KCNJ6: variants seen among roughly 807,000 people sequenced by gnomAD.
KCNJ6 encodes G protein-activated inward rectifier potassium channel 2.
KCNJ6 carries 9 observed loss-of-function variants against 34.2 expected under a neutral mutation model. That is an observed-to-expected ratio of 0.26 (90% CI 0.16 to 0.46). The LOEUF is 0.46. KCNJ6 is among the 20% of genes least tolerant of loss of function. KCNJ6 has a pLI of 1.00. For synonymous variants in KCNJ6, 196 were observed against 207.1 expected (o/e 0.95, Z 0.46); for missense variants, 236 against 531.3 (o/e 0.44, Z 5.46).
intron 3 of KCNJ6, among the ~76,000 whole-genome samples, chr21:37,626,018 C>T (rs891835308): frequency 2.0e-5 from 3 of 152,214 alleles, no homozygotes; most frequent in African/African-American, 7.2e-5. Context: ...ATGACTGTGG[C>T]TCCAGATGCA....
At chr21:37,633,168 T>C (rs1355541555) in intron 3 of KCNJ6, among the ~76,000 whole-genome samples, 1 of 152,166 alleles carries the variant, frequency 6.6e-6, no homozygotes, top group Non-Finnish European at 1.5e-5. Context: ...TTCCAAGGAA[T>C]GCAAGGGTGG....
chr21:37,670,263 C>T (rs1448487198), intron 3 of KCNJ6, among the ~76,000 whole-genome samples: 1 of 152,086 alleles, frequency 6.6e-6, no homozygotes, highest in Non-Finnish European at 1.5e-5. Flanking sequence ...GCTTTAATTA[C>T]TATAGTTTTA....
rs1438464778 is a variant in KCNJ6 at position 37,801,857 on chromosome 21, C to A, written c.25+38801G>T. ...CATTTTATTTGGTATTTCTCAAAGC[C>A]CCTTAACATCAACTATCTCAACATT... is the stretch of plus-strand genomic sequence containing the variant. On this transcript the variant is annotated intron_variant, in intron 2 of 3. Coordinates refer to ENST00000609713, the MANE Select transcript of KCNJ6 (RefSeq NM_002240.5). Among the ~76,000 whole-genome samples the A allele has an allele frequency of 3.9e-5, 6 of 152,084 alleles. No homozygotes were observed. In the East Asian group the frequency reaches 1.2e-3, roughly 29 times the overall value.
chr21:37,648,260 AGAGCTGTGGGCCGTG>A (rs1172509245), intron 3 of KCNJ6, among the ~76,000 whole-genome samples: 2 of 152,214 alleles, frequency 1.3e-5, no homozygotes, highest in African/African-American at 4.8e-5. Flanking sequence ...CTCTGTCTAC[AGAGCTGTGGGCCGTG>A]GAGGGGAGGA....
intron 3 of KCNJ6, among the ~76,000 whole-genome samples, chr21:37,672,416 C>A (rs2054546181): frequency 6.6e-6 from 1 of 151,864 alleles, no homozygotes; most frequent in African/African-American, 2.4e-5. Flanking sequence ...AAGCAGGAGA[C>A]CTGGAGAAAA....
At chr21:37,829,388 T>C (rs1249338236) in intron 2 of KCNJ6, among the ~76,000 whole-genome samples, 1 of 152,204 alleles carries the variant, frequency 6.6e-6, no homozygotes, top group Admixed American at 6.5e-5. Flanking sequence ...GTGCCTTTCA[T>C]GTTCCCTCTG....
chr21:37,852,367 C>CA (rs773805833), intron 1 of KCNJ6, among the ~76,000 whole-genome samples: 17 of 152,172 alleles, frequency 1.1e-4, no homozygotes, highest in Non-Finnish European at 1.9e-4. Flanking sequence ...TATTCACTGC[C>CA]ATCCAGCTGT....
intron 3 of KCNJ6, among the ~76,000 whole-genome samples, chr21:37,711,526 A>G (rs1601431263): frequency 1.3e-5 from 2 of 152,324 alleles, no homozygotes; most frequent in South Asian, 4.1e-4. Context: ...CAGCACTACA[A>G]TGAATAATTA....
chr21:37,659,907 T>G (rs1258680017), intron 3 of KCNJ6, among the ~76,000 whole-genome samples: 2 of 152,238 alleles, frequency 1.3e-5, no homozygotes, highest in Non-Finnish European at 2.9e-5. Flanking sequence ...CAGAAAACTG[T>G]CTCCCTCTGT....
chr21:37,809,800 T>A (rs1290560996), intron 2 of KCNJ6, among the ~76,000 whole-genome samples: 3 of 152,186 alleles, frequency 2.0e-5, no homozygotes, highest in Non-Finnish European at 4.4e-5. Flanking sequence ...ATTTGTAGCC[T>A]TCCTTGCGAT....
chr21:37,633,870 A>G (rs1388351580), intron 3 of KCNJ6, among the ~76,000 whole-genome samples: 1 of 152,168 alleles, frequency 6.6e-6, no homozygotes, highest in African/African-American at 2.4e-5. Flanking sequence ...TAAAGATGTC[A>G]GTTTTTCCCA....
At chr21:37,716,494 C>T (rs950691186) in intron 2 of KCNJ6, among the ~76,000 whole-genome samples, 1 of 151,890 alleles carries the variant, frequency 6.6e-6, no homozygotes, top group Non-Finnish European at 1.5e-5. Flanking sequence ...ATCCTCCCAC[C>T]TCAGCCTCCT....
chr21:37,689,101 C>T (rs117748856), intron 3 of KCNJ6, among the ~76,000 whole-genome samples: 3 of 152,162 alleles, frequency 2.0e-5, no homozygotes, highest in African/African-American at 7.2e-5. Flanking sequence ...TAATATATCT[C>T]TATTCTCTCT....
rs149651412 is a variant in KCNJ6, at chr21:37,708,945, G to A, written c.946+5266C>T. 3.3e-5 allele frequency among the ~76,000 whole-genome samples: 5 copies of A among 152,242 alleles called. No homozygotes were observed. In the East Asian group the frequency reaches 9.7e-4, roughly 29 times the overall value. On this transcript the variant is annotated intron_variant, in intron 3 of 3. Transcript: ENST00000609713. ...GGGTAGATTGGCATTTTTGATTACA[G>A]TAAAGAAAAATGTGCCTGGAAATCA...
chr21:37,779,036 G>A (rs1312004217), intron 2 of KCNJ6, among the ~76,000 whole-genome samples: 4 of 152,116 alleles, frequency 2.6e-5, no homozygotes, highest in Non-Finnish European at 5.9e-5. Flanking sequence ...GGCCATGCAA[G>A]AGCTGGATGA....
intron 2 of KCNJ6, among the ~76,000 whole-genome samples, chr21:37,807,241 T>G (rs2055297978): frequency 6.6e-6 from 1 of 152,236 alleles, no homozygotes; most frequent in Non-Finnish European, 1.5e-5. Flanking sequence ...TTATTTTCAT[T>G]AGAGTAATTA....
At chr21:37,858,410 A>AAG (rs2055576442) in intron 1 of KCNJ6, among the ~76,000 whole-genome samples, 1 of 150,804 alleles carries the variant, frequency 6.6e-6, no homozygotes, top group Non-Finnish European at 1.5e-5. Context: ...AAAAAAAAAA[A>AAG]AAAAAAAGAA....
In KCNJ6 at chr21:37,607,482, A is replaced by ATATATATTTTTT; in HGVS notation, c.*17676_*17677insAAAAAATATATA. 2.6e-4 allele frequency: 35 copies of ATATATATTTTTT among 136,762 alleles called. No individual in the cohort carries two copies. Among genetic ancestry groups the ATATATATTTTTT allele is most frequent in the Middle Eastern group, 3.9e-3 (1 of 258 alleles). The allele number at this position is 136,762 out of a possible 1,614,324, so 8.5% of individuals were successfully genotyped here. A position where few individuals can be genotyped will look rare whatever the true frequency, so the allele number is the denominator to read the frequency against. On this transcript the variant is annotated 3_prime_UTR_variant, in exon 4 of 4. Coordinates refer to ENST00000609713, the MANE Select transcript of KCNJ6 (RefSeq NM_002240.5). ...CTTAAAGATATATATATATATATAT[A>ATATATATTTTTT]TTTTTTTTTTATTTTAAAAAAATTT...
chr21:37,801,040 G>T (rs1423625481), intron 2 of KCNJ6, among the ~76,000 whole-genome samples: 1 of 152,150 alleles, frequency 6.6e-6, no homozygotes, highest in Non-Finnish European at 1.5e-5. Context: ...AGTTCATAGG[G>T]AGTATCCTTG....
Sources: allele counts gnomAD v4.1 joint callset (sites outside exome capture counted in the v4.1 genomes callset), GRCh38; gene constraint gnomAD v4.1.1; transcripts MANE v1.5; gene names NCBI Gene and HGNC (gene_info 2026-07-23, HGNC 2026-07-21).